MROH1: variants seen among roughly 807,000 people sequenced by gnomAD.
MROH1 encodes maestro heat like repeat family member 1.
MROH1 carries 117 observed loss-of-function variants against 116.5 expected under a neutral mutation model. The observed-to-expected ratio is 1.00, with a 90% CI of 0.86 to 1.17. The LOEUF (loss-of-function observed/expected upper bound fraction) is 1.17. MROH1 is among the 50% of genes most tolerant of loss of function. MROH1 has a pLI of 0.00. For synonymous variants in MROH1, 921 were observed against 583.9 expected (o/e 1.58, Z -8.32); for missense variants, 1,873 against 1,338.5 (o/e 1.40, Z -6.23).
chr8:144,204,088 C>T (rs1484030760), intron 12 of MROH1, among the ~76,000 whole-genome samples: 1 of 152,210 alleles, frequency 6.6e-6, no homozygotes, highest in Non-Finnish European at 1.5e-5. Flanking sequence ...GAACTTTTAA[C>T]ATCAGCACAT....
chr8:144,218,363 C>T (rs1249831222), intron 12 of MROH1, among the ~76,000 whole-genome samples: 1 of 152,100 alleles, frequency 6.6e-6, no homozygotes, highest in African/African-American at 2.4e-5. Flanking sequence ...AGCATCCTTA[C>T]TCCCATGAGG....
At chr8:144,199,337 T>A in intron 11 of MROH1, 137 bp downstream of exon 11, 1 of 845,674 alleles carries the variant, frequency 1.2e-6, no homozygotes. Context: ...CTCCTGGGCC[T>A]ACCTGTGGCT....
Position 144,240,116 on chromosome 8 carries a change from C to A in MROH1, c.1790C>A (p.Thr597Asn). Residue 597 changes from threonine to asparagine, a missense_variant, in exon 19 of 44, where the codon ACC (threonine) becomes AAC (asparagine). Coordinates refer to ENST00000326134, the MANE Select transcript of MROH1 (RefSeq NM_032450.3). ...LGYLDEHTEETLPQEEWEEKL... is the reference protein window; with the variant it reads ...LGYLDEHTEENLPQEEWEEKL... Reference sequence around the variant, plus strand: ...GTCGTTTCAGAGCACACAGAAGAGACCCTGCCACAGGAGGAGTGGGAGGAG... The same window carrying A: ...GTCGTTTCAGAGCACACAGAAGAGAACCTGCCACAGGAGGAGTGGGAGGAG... 3.9e-6 allele frequency: 3 copies of A among 778,860 alleles called. No individual in the cohort carries two copies. The highest frequency in any genetic ancestry group is 2.4e-5 in the East Asian group (1 of 41,200). 48.2% of individuals were successfully genotyped at this position (778,860 alleles called of 1,614,324 possible).
At chr8:144,215,511 T>A (rs1835030351) in intron 12 of MROH1, among the ~76,000 whole-genome samples, 2 of 152,312 alleles carry the variant, frequency 1.3e-5, no homozygotes, top group South Asian at 4.1e-4. Flanking sequence ...TCTGGCAGAA[T>A]GCCCCTCCTC....
chr8:144,253,544 C>T (rs1011180611), intron 33 of MROH1, among the ~76,000 whole-genome samples: 27 of 152,320 alleles, frequency 1.8e-4, no homozygotes, highest in African/African-American at 5.3e-4. Flanking sequence ...GGCGCCTCAG[C>T]GACGGCCACC....
intron 12 of MROH1, among the ~76,000 whole-genome samples, chr8:144,219,859 G>A (rs1279356348): frequency 6.6e-6 from 1 of 152,204 alleles, no homozygotes; most frequent in Non-Finnish European, 1.5e-5. Flanking sequence ...GCAGCTTTAA[G>A]GCACTGGGTT....
intron 12 of MROH1, among the ~76,000 whole-genome samples, chr8:144,210,721 C>T (rs941992946): frequency 1.3e-5 from 2 of 151,852 alleles, no homozygotes; most frequent in African/African-American, 4.8e-5. Flanking sequence ...TATATATATA[C>T]ATTCAAATTT....
intron 12 of MROH1, among the ~76,000 whole-genome samples, chr8:144,210,131 T>G (rs1381514679): frequency 2.0e-5 from 3 of 151,778 alleles, no homozygotes; most frequent in African/African-American, 7.3e-5. Context: ...TATGATTAGC[T>G]GTGTCCACTT....
chr8:144,251,504 C>T (rs1470405185), intron 33 of MROH1: 2 of 152,226 alleles, frequency 1.3e-5, no homozygotes, highest in Non-Finnish European at 2.9e-5. Context: ...CAGTCTGTTG[C>T]TTTTCTTTTA....
intron 7 of MROH1, among the ~76,000 whole-genome samples, chr8:144,187,141 TGGCCTACGCC>T (rs1258352451): frequency 6.6e-6 from 1 of 150,628 alleles, no homozygotes; most frequent in Admixed American, 6.6e-5. Context: ...CCGGGCATGG[TGGCCTACGCC>T]TGTAATCCCA....
rs1841517599 is a variant in MROH1 at position 144,244,333 on chromosome 8, G to A, written c.2667G>A (p.Gln889=). The change falls in exon 27 of 44, where the codon CAG becomes CAA. Residue 889 remains glutamine, a synonymous_variant. Transcript: ENST00000326134. ...PEPKEEDGGC[Q]KSLYLETLHA... ...CCAAGGAGGAGGACGGAGGCTGCCA[G>A]AAGGTATCCCTGTGTTTCCCTTGCC... The A allele has an allele frequency of 2.9e-5, 21 of 720,342 alleles. 1 individual carries two copies. The highest frequency in any genetic ancestry group is 2.3e-4 in the Middle Eastern group (1 of 4,390). The allele number at this position is 720,342 out of a possible 1,614,324, so 44.6% of individuals were successfully genotyped here. A position where few individuals can be genotyped will look rare whatever the true frequency, so the allele number is the denominator to read the frequency against.
Position 144,242,482 on chromosome 8 carries a change from C to T in MROH1, c.2292C>T (p.Ile764=). 3.8e-6 allele frequency: 3 copies of T among 780,720 alleles called. No individual in the cohort carries two copies. The highest frequency in any genetic ancestry group is 7.2e-6 in the Non-Finnish European group (3 of 417,820). The allele number at this position is 780,720 out of a possible 1,614,324, so 48.4% of individuals were successfully genotyped here. ...TGCTGGCCAAGGTAGAGTCAGACATCCTCCGGAACATCTGCCAGCACTTCA... is the reference window on the plus strand; with the variant it reads ...TGCTGGCCAAGGTAGAGTCAGACATTCTCCGGAACATCTGCCAGCACTTCA... ...ELVLAKVESD[I]LRNICQHFST... The change falls in exon 23 of 44, where the codon ATC becomes ATT. Residue 764 remains isoleucine (I), a synonymous_variant. Transcript: ENST00000326134.
At chr8:144,161,557 A>G (rs1819535139) in intron 2 of MROH1, among the ~76,000 whole-genome samples, 1 of 152,046 alleles carries the variant, frequency 6.6e-6, no homozygotes, top group Admixed American at 6.6e-5. Flanking sequence ...GCTCCGCCTC[A>G]TTTCCTACCT....
At chr8:144,170,294 C>G (rs1822119045) in intron 4 of MROH1, among the ~76,000 whole-genome samples, 2 of 152,192 alleles carry the variant, frequency 1.3e-5, no homozygotes, top group South Asian at 4.1e-4. Context: ...GATTTTACCC[C>G]TTTTCTAACC....
At chr8:144,187,998 G>A (rs1827622031) in intron 7 of MROH1, among the ~76,000 whole-genome samples, 2 of 152,188 alleles carry the variant, frequency 1.3e-5, no homozygotes, top group Non-Finnish European at 2.9e-5. Context: ...GGTTTGTGGC[G>A]AGAAAAGGGT....
In MROH1 at chr8:144,180,139, T is replaced by A. The variant is rs1401985263; in HGVS notation, c.301-39T>A. ...AGCGACTGAGGGCAGAATGTCTTGG[T>A]CTTGCCTTTTGGTCTACCTGCCGGT... On this transcript the variant is annotated intron_variant, in intron 5 of 43. Transcript: ENST00000326134. The surrounding 1 kb of genome is among the most constrained non-coding windows in gnomAD (Gnocchi z 7.4). The A allele has an allele frequency of 1.9e-6, 3 of 1,611,778 alleles. No homozygotes were observed. Among genetic ancestry groups the A allele is most frequent in the Non-Finnish European group, 2.5e-6 (3 of 1,178,444 alleles).
chr8:144,148,527 C>T (rs1815960182), intron 1 of MROH1: 1 of 152,518 alleles, frequency 6.6e-6, no homozygotes, highest in South Asian at 2.1e-4. Context: ...GGTCCTCTCT[C>T]CGGGAAGCCA....
intron 10 of MROH1, 47 bp from the exon 11 acceptor site, chr8:144,199,075 C>A (rs1830526189): frequency 6.3e-7 from 1 of 1,575,790 alleles, no homozygotes; most frequent in African/African-American, 1.3e-5. Flanking sequence ...GGGAATCCTT[C>A]CTTCTGGCCT....
At position 144,208,406 on chromosome 8, in the gene MROH1, G is replaced by GT. The variant is rs1392938061; in HGVS notation, c.1141+7865_1141+7866insT. On this transcript the variant is annotated intron_variant, in intron 12 of 43. Coordinates refer to ENST00000326134, the MANE Select transcript of MROH1 (RefSeq NM_032450.3). ...CAAAGTACCACCGACTGGTGGGTGG[G>GT]GTTTTTTTTTTTTCTATTACCCTGA... Among the ~76,000 whole-genome samples, 27 of 17,720 alleles carry GT rather than the reference G, an allele frequency of 1.5e-3. No homozygotes were observed. The South Asian group carries it at 0.022, about 14-fold the overall frequency. 11.6% of individuals were successfully genotyped at this position (17,720 alleles called of 152,430 possible).
Sources: allele counts gnomAD v4.1 joint callset (sites outside exome capture counted in the v4.1 genomes callset), GRCh38; gene constraint gnomAD v4.1.1; non-coding constraint Gnocchi (gnomAD v3.1); transcripts MANE v1.5; gene names NCBI Gene and HGNC (gene_info 2026-07-23, HGNC 2026-07-21).